The following SPTAN1 variants were observed in gnomAD, a reference collection of about 807,000 sequenced individuals.
SPTAN1 encodes the protein spectrin alpha chain, non-erythrocytic 1.
A neutral mutation model predicts 331.3 loss-of-function variants in SPTAN1; 61 were observed. That is an observed-to-expected ratio of 0.18 (90% CI 0.15 to 0.23). The LOEUF is 0.23. SPTAN1 is among the 10% of genes least tolerant of loss of function. The pLI is 1.00. For synonymous variants in SPTAN1, 1,153 were observed against 1,173.9 expected, an observed-to-expected ratio of 0.98 and a Z score of 0.36; for missense variants, 2,043 against 3,147.9, an observed-to-expected ratio of 0.65 and a Z score of 8.40.
chr9:128,605,230 CAG>C (rs778486203), intron 30 of SPTAN1, 52 bp downstream of exon 30: 5 of 1,614,006 alleles, frequency 3.1e-6, no homozygotes, highest in Non-Finnish European at 4.2e-6. Context: ...CCAGAAAGAG[CAG>C]AGTCTTCTGT....
chr9:128,558,827 G>A (rs760071427), intron 1 of SPTAN1, among the ~76,000 whole-genome samples: 7 of 152,120 alleles, frequency 4.6e-5, no homozygotes, highest in South Asian at 4.2e-4. Flanking sequence ...TGACAGTTTC[G>A]GGTGAGAGGC....
At position 128,611,850 on chromosome 9, in the gene SPTAN1, G is replaced by A. The variant is rs764645623; in HGVS notation, c.4905+5G>A. On this transcript the variant is annotated splice_donor_5th_base_variant and intron_variant, in intron 38 of 56. Coordinates refer to ENST00000372739, the MANE Select transcript of SPTAN1 (RefSeq NM_001130438.3). The stretch of plus-strand genomic sequence containing the variant: ...GGCAGTGAGGATGCTGTCAAGGTAT[G>A]GCCCACCAGCTCCCGGTGCCCAGGG... 1.2e-6 allele frequency: 2 copies of A among 1,614,170 alleles called. No individual in the cohort carries two copies. Among genetic ancestry groups the A allele is most frequent in the South Asian group, 1.1e-5 (1 of 91,088 alleles).
intron 29 of SPTAN1, among the ~76,000 whole-genome samples, chr9:128,604,820 A>G (rs568821010): frequency 1.3e-5 from 2 of 152,010 alleles, no homozygotes; most frequent in African/African-American, 2.4e-5. Context: ...AATCCTAGCT[A>G]CTTGGGAGGT....
rs780351957 is a variant in SPTAN1, at chr9:128,612,103, C to G, written c.4906-6C>G. 5 of 1,614,168 alleles carry G rather than the reference C, an allele frequency of 3.1e-6. No individual in the cohort carries two copies. The highest frequency in any genetic ancestry group is 3.4e-6 in the Non-Finnish European group (4 of 1,180,024). ...CATCTCTTTTTGGCTCCCTTCTGTT[C>G]CCCAGGCCCGCCTGGCTGCCTTAGC... is the stretch of plus-strand genomic sequence containing the variant. On this transcript the variant is annotated splice_region_variant and splice_polypyrimidine_tract_variant and intron_variant, in intron 38 of 56. Coordinates refer to ENST00000372739, the MANE Select transcript of SPTAN1 (RefSeq NM_001130438.3).
intron 23 of SPTAN1, chr9:128,593,780 A>C (rs1336022314): frequency 3.9e-6 from 1 of 259,318 alleles, no homozygotes; most frequent in Admixed American, 4.6e-5. Flanking sequence ...AGAGAATTAT[A>C]AAAGACAGAA....
chr9:128,564,532 G>A (rs1564190922), intron 1 of SPTAN1, among the ~76,000 whole-genome samples: 1 of 152,048 alleles, frequency 6.6e-6, no homozygotes, highest in South Asian at 2.1e-4. Flanking sequence ...GCAGTGAGCC[G>A]TGACTGCACT....
At chr9:128,582,450 C>A in intron 12 of SPTAN1, 29 bp from the exon 13 acceptor site, 1 of 1,604,826 alleles carries the variant, frequency 6.2e-7, no homozygotes, top group Non-Finnish European at 8.5e-7. Flanking sequence ...GTGTGCTTAC[C>A]AATGAAGAAC....
chr9:128,563,684 A>G (rs927745621), intron 1 of SPTAN1, among the ~76,000 whole-genome samples: 1 of 151,954 alleles, frequency 6.6e-6, no homozygotes. Context: ...TGCAACATTC[A>G]GCATGGACTT....
intron 53 of SPTAN1, 40 bp downstream of exon 53, chr9:128,632,363 G>C: frequency 6.2e-7 from 1 of 1,613,632 alleles, no homozygotes; most frequent in Non-Finnish European, 8.5e-7. Context: ...GCCCAGAGCA[G>C]GGGGAGGAAA....
At chr9:128,555,513 C>T in intron 1 of SPTAN1, 3 of 785,914 alleles carry the variant, frequency 3.8e-6, no homozygotes, top group East Asian at 7.1e-5. Context: ...GAAAAAAACC[C>T]TGCCTGCATG....
In SPTAN1 at chr9:128,584,461, G is replaced by A; in HGVS notation, c.2373G>A (p.Arg791=). Residue 791 remains arginine, a synonymous_variant, in exon 17 of 57, where the codon CGG becomes CGA. Coordinates refer to ENST00000372739, the MANE Select transcript of SPTAN1 (RefSeq NM_001130438.3). ...CTCTGCGGTTGCAGCAGCTCTTCCG[G>A]GATGTTGAGGATGAGGAGACGTGGA... ...ADSLRLQQLF[R]DVEDEETWIR... 1.2e-6 allele frequency: 2 copies of A among 1,614,058 alleles called. No individual in the cohort carries two copies. The highest frequency in any genetic ancestry group is 1.3e-5 in the African/African-American group (1 of 75,034).
rs754477004 is a variant in SPTAN1, at chr9:128,584,821, G to A, written c.2538G>A (p.Lys846=). ...CACGCATCAAAGCAGTTACACAGAAGGGGAATGCCATGGTGGAGGAAGGTG... is the reference window on the plus strand; with the variant it reads ...CACGCATCAAAGCAGTTACACAGAAAGGGAATGCCATGGTGGAGGAAGGTG... The part of the protein sequence containing the change: ...HEPRIKAVTQ[K]GNAMVEEGHF... Residue 846 remains lysine (K), a synonymous_variant, in exon 18 of 57, where the codon AAG becomes AAA. Transcript: ENST00000372739. 4.3e-6 allele frequency: 7 copies of A among 1,614,220 alleles called. No individual in the cohort carries two copies. The highest frequency in any genetic ancestry group is 1.6e-4 in the Middle Eastern group (1 of 6,062).
rs550997455 is a variant in SPTAN1 at position 128,553,385 on chromosome 9, A to T, written c.-4+689A>T. Reference sequence around the variant, plus strand: ...TAGGTAAATGCAGTGCTTGCATGGTATGTGGCTCAAATCAAATAACTTAAT... The same window carrying T: ...TAGGTAAATGCAGTGCTTGCATGGTTTGTGGCTCAAATCAAATAACTTAAT... On this transcript the variant is annotated intron_variant, in intron 1 of 56. Coordinates refer to ENST00000372739, the MANE Select transcript of SPTAN1 (RefSeq NM_001130438.3). 9.7e-5 allele frequency: 6 copies of T among 61,560 alleles called. No individual in the cohort carries two copies. The East Asian group carries it at 3.0e-3, about 31-fold the overall frequency. 3.8% of individuals were successfully genotyped at this position (61,560 alleles called of 1,614,324 possible).
chr9:128,594,019 C>T (rs1853887427), intron 23 of SPTAN1, 156 bp from the exon 24 acceptor site: 6 of 740,250 alleles, frequency 8.1e-6, no homozygotes, highest in Non-Finnish European at 1.4e-5. Flanking sequence ...TTGGGATCCT[C>T]GTCTTCATCT....
chr9:128,617,966 C>T (rs767100168), intron 42 of SPTAN1, 21 bp from the exon 43 acceptor site: 2 of 1,614,160 alleles, frequency 1.2e-6, no homozygotes, highest in Non-Finnish European at 1.7e-6. Context: ...TGCTGTTAAC[C>T]TCCTCGTCCT....
chr9:128,570,781 C>T (rs1159191782), intron 3 of SPTAN1, among the ~76,000 whole-genome samples: 2 of 152,030 alleles, frequency 1.3e-5, no homozygotes, highest in Admixed American at 6.6e-5. Context: ...CTCAGCCTCC[C>T]GAGTAGCTAG....
Position 128,624,202 on chromosome 9 carries a change from T to A in SPTAN1, c.5833-126T>A, listed in dbSNP as rs1160171554. 5.7e-6 allele frequency: 6 copies of A among 1,061,750 alleles called. No homozygotes were observed. The East Asian group carries it at 1.5e-4, about 27-fold the overall frequency. The allele number at this position is 1,061,750 out of a possible 1,614,324, so 65.8% of individuals were successfully genotyped here. A position where few individuals can be genotyped will look rare whatever the true frequency, so the allele number is the denominator to read the frequency against. ...ACAAAAGCCTTACCCTATCATTGTT[T>A]ACCCAGCAGTGGACAGGGGAGCAAG... is the stretch of plus-strand genomic sequence containing the variant. On this transcript the variant is annotated intron_variant, in intron 45 of 56. Transcript: ENST00000372739.
intron 48 of SPTAN1, 152 bp downstream of exon 48, chr9:128,626,130 C>T: frequency 1.9e-6 from 2 of 1,055,604 alleles, no homozygotes; most frequent in Non-Finnish European, 2.7e-6. Flanking sequence ...CAATTAAAAC[C>T]AGGGCAAATG....
At chr9:128,572,170 A>C (rs1249929712) in intron 3 of SPTAN1, among the ~76,000 whole-genome samples, 3 of 151,876 alleles carry the variant, frequency 2.0e-5, no homozygotes. Context: ...TGTGTGCTTT[A>C]TTTTTCCAAC....
Sources: allele counts gnomAD v4.1 joint callset (sites outside exome capture counted in the v4.1 genomes callset), GRCh38; gene constraint gnomAD v4.1.1; transcripts MANE v1.5; gene names NCBI Gene and HGNC (gene_info 2026-07-23, HGNC 2026-07-21).